RANBP2: variants seen among roughly 807,000 people sequenced by gnomAD.
RANBP2 encodes the protein E3 SUMO-protein ligase RanBP2.
A neutral mutation model predicts 303.6 loss-of-function variants in RANBP2; 57 were observed. That is an observed-to-expected ratio of 0.19 (90% CI 0.15 to 0.23). The LOEUF (loss-of-function observed/expected upper bound fraction) is 0.23. Ranked by LOEUF, RANBP2 falls within the 10% of genes least tolerant of loss-of-function variation. The pLI, the probability that RANBP2 is intolerant of heterozygous loss-of-function variation, is 1.00. For missense variants in RANBP2, 3,138 were observed against 3,780.8 expected (o/e 0.83, Z 4.46); for synonymous variants, 1,167 against 1,301.5 (o/e 0.90, Z 2.23).
chr2:109,511,750 C>T, the RANBP2 span, among the ~76,000 whole-genome samples: 2 of 152,226 alleles, frequency 1.3e-5, no homozygotes. Context: ...AATTGCTCCA[C>T]AAGTCCTTGT....
At chr2:109,079,157 C>T in the RANBP2 span, among the ~76,000 whole-genome samples, 1 of 152,134 alleles carries the variant, frequency 6.6e-6, no homozygotes, top group African/African-American at 2.4e-5. Flanking sequence ...CCAACCCCTC[C>T]TCCTCCTCCT....
At chr2:109,505,158 C>A in the RANBP2 span, among the ~76,000 whole-genome samples, 3 of 152,220 alleles carry the variant, frequency 2.0e-5, no homozygotes, top group Non-Finnish European at 4.4e-5. Context: ...GGGAATCCCA[C>A]CAACAGAAGA....
chr2:108,817,610 C>G, the RANBP2 span, among the ~76,000 whole-genome samples: 1 of 152,118 alleles, frequency 6.6e-6, no homozygotes, highest in Non-Finnish European at 1.5e-5. Context: ...CTTCTGGAAG[C>G]TGGGAATTGC....
the RANBP2 span, among the ~76,000 whole-genome samples, chr2:108,858,621 C>T: frequency 0.71 from 107,283 of 151,954 alleles, 41,279 homozygotes; most frequent in East Asian, 0.9. Flanking sequence ...ACTTCTTTAG[C>T]TGTTGGTTTT....
chr2:109,086,465 C>A, the RANBP2 span, among the ~76,000 whole-genome samples: 7 of 152,160 alleles, frequency 4.6e-5, no homozygotes, highest in Non-Finnish European at 1.0e-4. Flanking sequence ...TTTTACTTTA[C>A]AGATAAGGCT....
the RANBP2 span, among the ~76,000 whole-genome samples, chr2:108,792,836 G>A: frequency 2.6e-5 from 4 of 152,196 alleles, no homozygotes; most frequent in South Asian, 4.2e-4. Context: ...AGGCCGAGGC[G>A]GGTGGATCAC....
At chr2:108,778,216 A>G (rs1433542570) in intron 25 of RANBP2, among the ~76,000 whole-genome samples, 1 of 152,242 alleles carries the variant, frequency 6.6e-6, no homozygotes, top group African/African-American at 2.4e-5. Flanking sequence ...TAAAGTGAAA[A>G]GTAGGCAGTA....
At chr2:109,265,503 C>T in the RANBP2 span, among the ~76,000 whole-genome samples, 1 of 152,210 alleles carries the variant, frequency 6.6e-6, no homozygotes, top group Non-Finnish European at 1.5e-5. Context: ...CCCTGCTGCC[C>T]ACCCTTAGGC....
At chr2:109,664,094 C>T in the RANBP2 span, among the ~76,000 whole-genome samples, 1 of 152,204 alleles carries the variant, frequency 6.6e-6, no homozygotes, top group Non-Finnish European at 1.5e-5. Context: ...TTCTGTTGCT[C>T]AGCAGCCCTA....
chr2:109,699,294 G>A, the RANBP2 span, among the ~76,000 whole-genome samples: 1 of 152,076 alleles, frequency 6.6e-6, no homozygotes, highest in South Asian at 2.1e-4. Flanking sequence ...GTGTATTCTA[G>A]TTGTCTTGGC....
Position 108,735,764 on chromosome 2 carries a change from T to C in RANBP2, c.636+2T>C. On this transcript the variant is annotated splice_donor_variant, in intron 5 of 28. Transcript: ENST00000283195. LOFTEE classifies it high-confidence loss of function. The stretch of plus-strand genomic sequence containing the variant: ...TCGTGTGTTGTACAGACCCTTAAGG[T>C]AGATAAAAGCTATTGGGTCTTTACA... The C allele has an allele frequency of 6.3e-7, 1 of 1,597,584 alleles. No individual in the cohort carries two copies.
the RANBP2 span, chr2:109,615,909 A>G: frequency 6.2e-7 from 1 of 1,610,458 alleles, no homozygotes; most frequent in Non-Finnish European, 8.5e-7. Context: ...CAGACTCAAC[A>G]AAATCCGATT....
At chr2:109,063,801 A>G in the RANBP2 span, among the ~76,000 whole-genome samples, 1 of 140,100 alleles carries the variant, frequency 7.1e-6, no homozygotes, top group African/African-American at 2.6e-5. Context: ...CAAGTAATAG[A>G]AAAAAAAAAA....
chr2:108,751,425 A>G lies in RANBP2; in HGVS notation c.1435A>G (p.Ile479Val), dbSNP rs1314017047. The G allele has an allele frequency of 6.2e-7, 1 of 1,611,888 alleles. No individual in the cohort carries two copies. Among genetic ancestry groups the G allele is most frequent in the Non-Finnish European group, 8.5e-7 (1 of 1,179,870 alleles). Residue 479 changes from isoleucine to valine, a missense_variant, in exon 10 of 29, where the codon ATA (isoleucine) becomes GTA (valine). Ile to Val is a conservative substitution (Grantham distance 29). Transcript: ENST00000283195. ...SRLETNAPESICILDLEVFLL... is the reference protein window; with the variant it reads ...SRLETNAPESVCILDLEVFLL... ...GCTTGAAACAAATGCACCTGAATCA[A>G]TATGTATTTTAGATCTTGAAGTAAG...
At chr2:109,794,573 A>ACCCCGG in the RANBP2 span, 2 of 14,206 alleles carry the variant, frequency 1.4e-4, no homozygotes, top group South Asian at 4.1e-3. Context: ...GGCGGCCTCG[A>ACCCCGG]CCCGGCCGGG....
chr2:109,262,415 G>A, the RANBP2 span, among the ~76,000 whole-genome samples: 2 of 152,132 alleles, frequency 1.3e-5, no homozygotes, highest in African/African-American at 4.8e-5. Context: ...CTCTGCTTTC[G>A]ATGCCCTGGG....
chr2:108,821,706 A>C, the RANBP2 span, among the ~76,000 whole-genome samples: 57 of 151,932 alleles, frequency 3.8e-4, no homozygotes, highest in Non-Finnish European at 7.4e-4. Context: ...GTACTTTGGG[A>C]GGCTGAGACA....
At chr2:109,117,434 G>A in the RANBP2 span, among the ~76,000 whole-genome samples, 8 of 152,220 alleles carry the variant, frequency 5.3e-5, no homozygotes, top group East Asian at 1.9e-4. Flanking sequence ...AGGACCCTCC[G>A]AGCTAGGTGC....
the RANBP2 span, chr2:109,614,447 C>T: frequency 1.7e-6 from 2 of 1,194,772 alleles, no homozygotes; most frequent in South Asian, 8.3e-5. Flanking sequence ...CGCTATGGGA[C>T]CGCGCTGAGC....
Sources: allele counts gnomAD v4.1 joint callset (sites outside exome capture counted in the v4.1 genomes callset), GRCh38; gene constraint gnomAD v4.1.1; transcripts MANE v1.5; gene names NCBI Gene and HGNC (gene_info 2026-07-23, HGNC 2026-07-21).